The following UBE3C variants were observed in gnomAD, a reference collection of about 807,000 sequenced individuals.
UBE3C encodes the protein ubiquitin-protein ligase E3C.
In UBE3C, 42 loss-of-function variants were observed where a neutral mutation model predicts 129.4. That is an observed-to-expected ratio of 0.32 (90% CI 0.25 to 0.42). The LOEUF (loss-of-function observed/expected upper bound fraction) is 0.42, where lower values mean the gene tolerates loss of function less well. UBE3C is among the 10% of genes least tolerant of loss of function. UBE3C has a pLI of 1.00. For synonymous variants in UBE3C, 510 were observed against 492.4 expected (o/e 1.04, Z -0.47); for missense variants, 1,049 against 1,319.1 (o/e 0.80, Z 3.17).
chr7:157,215,373 A>G (rs1795526724), intron 13 of UBE3C, among the ~76,000 whole-genome samples: 1 of 151,790 alleles, frequency 6.6e-6, no homozygotes, highest in South Asian at 2.1e-4. Flanking sequence ...TTGTATGTAA[A>G]TGCTAAATTA....
At chr7:157,175,937 A>G (rs1463007307) in intron 5 of UBE3C, among the ~76,000 whole-genome samples, 2 of 152,156 alleles carry the variant, frequency 1.3e-5, no homozygotes, top group Non-Finnish European at 2.9e-5. Context: ...GGTCTCTATT[A>G]TGTATTTTTC....
At chr7:157,140,272 A>G (rs1807405819) in intron 1 of UBE3C, among the ~76,000 whole-genome samples, 1 of 152,098 alleles carries the variant, frequency 6.6e-6, no homozygotes, top group Admixed American at 6.5e-5. Flanking sequence ...GTAGGCACAT[A>G]ACGCAGAGTG....
chr7:157,176,217 G>A (rs1808513755), intron 5 of UBE3C, among the ~76,000 whole-genome samples: 1 of 152,194 alleles, frequency 6.6e-6, no homozygotes, highest in African/African-American at 2.4e-5. Context: ...AGCTGTGATT[G>A]TGCTACTGAA....
At chr7:157,150,856 G>T (rs142005425) in intron 1 of UBE3C, among the ~76,000 whole-genome samples, 1 of 152,206 alleles carries the variant, frequency 6.6e-6, no homozygotes, top group African/African-American at 2.4e-5. Flanking sequence ...AAAGCAATAC[G>T]TTTTTGTTAC....
At chr7:157,179,107 CAT>C (rs34923864) in intron 6 of UBE3C, among the ~76,000 whole-genome samples, 6,934 of 151,722 alleles carry the variant, frequency 0.046, 212 homozygotes, top group Non-Finnish European at 0.071. Context: ...CCAAAATTGA[CAT>C]ATGCTTTCAT....
chr7:157,255,631 T>A (rs1218228241), intron 21 of UBE3C, among the ~76,000 whole-genome samples: 2 of 152,262 alleles, frequency 1.3e-5, no homozygotes, highest in African/African-American at 4.8e-5. Flanking sequence ...GCACCTTTAA[T>A]AATCTCAGCT....
intron 18 of UBE3C, among the ~76,000 whole-genome samples, chr7:157,237,021 C>T (rs1215804249): frequency 2.0e-5 from 3 of 152,110 alleles, no homozygotes; most frequent in East Asian, 3.9e-4. Context: ...CGTGAGCCAG[C>T]ACACCCGGCA....
At chr7:157,242,852 C>T (rs770451377) in intron 18 of UBE3C, among the ~76,000 whole-genome samples, 1 of 152,156 alleles carries the variant, frequency 6.6e-6, no homozygotes, top group African/African-American at 2.4e-5. Flanking sequence ...GTCAGGAGTT[C>T]TAGACCAGCC....
intron 2 of UBE3C, among the ~76,000 whole-genome samples, chr7:157,168,597 C>T (rs1313530616): frequency 6.6e-6 from 1 of 152,212 alleles, no homozygotes; most frequent in African/African-American, 2.4e-5. Flanking sequence ...TACAATGGAA[C>T]ATTACTCTTA....
chr7:157,196,987 A>G (rs1222923194), intron 10 of UBE3C, among the ~76,000 whole-genome samples: 2 of 152,190 alleles, frequency 1.3e-5, no homozygotes, highest in East Asian at 1.9e-4. Context: ...AGAATTGCTG[A>G]ACTTTATGTG....
At chr7:157,209,354 G>A (rs1487565390) in intron 13 of UBE3C, among the ~76,000 whole-genome samples, 1 of 152,128 alleles carries the variant, frequency 6.6e-6, no homozygotes, top group Non-Finnish European at 1.5e-5. Context: ...TATAATTTGG[G>A]CAGATTGATG....
chr7:157,147,175 T>G (rs992276874), intron 1 of UBE3C, among the ~76,000 whole-genome samples: 28 of 152,346 alleles, frequency 1.8e-4, no homozygotes, highest in African/African-American at 6.7e-4. Context: ...ATATGGAATA[T>G]CTCTTAATTT....
At chr7:157,254,420 TGAG>T in intron 21 of UBE3C, 110 bp downstream of exon 21, 3 of 554,910 alleles carry the variant, frequency 5.4e-6, no homozygotes, top group African/African-American at 2.0e-5. Flanking sequence ...TTTTTCAGAC[TGAG>T]TTTCACTCTT....
rs1263011907 is a variant in UBE3C at position 157,269,176 on chromosome 7, T to G, written c.*1421T>G. 6.7e-6 allele frequency: 1 copy of G among 148,824 alleles called. No homozygotes were observed. Among genetic ancestry groups the G allele is most frequent in the Admixed American group, 6.6e-5 (1 of 15,116 alleles). The allele number at this position is 148,824 out of a possible 1,614,324, so 9.2% of individuals were successfully genotyped here. Reference sequence around the variant, plus strand: ...AGGGTTGGTCTTTTTTATTTTAGGTTGTTTTATGTTGAATGTTCTATATCT... The same window carrying G: ...AGGGTTGGTCTTTTTTATTTTAGGTGGTTTTATGTTGAATGTTCTATATCT... On this transcript the variant is annotated 3_prime_UTR_variant, in exon 23 of 23. Transcript: ENST00000348165.
intron 18 of UBE3C, among the ~76,000 whole-genome samples, chr7:157,243,122 G>A (rs1452820400): frequency 6.6e-6 from 1 of 152,108 alleles, no homozygotes; most frequent in Non-Finnish European, 1.5e-5. Flanking sequence ...ATCGCTGGAA[G>A]CCACTATGAG....
chr7:157,156,884 A>G (rs1164981296), intron 1 of UBE3C, among the ~76,000 whole-genome samples: 1 of 152,126 alleles, frequency 6.6e-6, no homozygotes, highest in Non-Finnish European at 1.5e-5. Flanking sequence ...AATTTTCAGC[A>G]GCCAAAAAAA....
At chr7:157,147,163 G>T (rs1379888174) in intron 1 of UBE3C, among the ~76,000 whole-genome samples, 1 of 152,152 alleles carries the variant, frequency 6.6e-6, no homozygotes, top group Non-Finnish European at 1.5e-5. Flanking sequence ...TCCTATCCAT[G>T]AATATGGAAT....
Position 157,183,964 on chromosome 7 carries a change from A to C in UBE3C, c.1078A>C (p.Ser360Arg). 6.2e-7 allele frequency: 1 copy of C among 1,614,132 alleles called. No individual in the cohort carries two copies. The highest frequency in any genetic ancestry group is 8.5e-7 in the Non-Finnish European group (1 of 1,180,030). ...GTTACCAGTCTCTCCTGCCAGCGCG[A>C]GCTGTCACGACTCAGCCAGTGACTC... is the stretch of plus-strand genomic sequence containing the variant. ...SQLPVSPASASCHDSASDSEE... is the reference protein window; with the variant it reads ...SQLPVSPASARCHDSASDSEE... The change falls in exon 9 of 23, where the codon AGC (serine) becomes CGC (arginine). Residue 360 changes from serine (S) to arginine (R), a missense_variant. By Grantham distance (110) the Ser-to-Arg change is moderately radical. Transcript: ENST00000348165.
intron 1 of UBE3C, among the ~76,000 whole-genome samples, chr7:157,160,552 C>G (rs1295574322): frequency 6.6e-6 from 1 of 152,032 alleles, no homozygotes; most frequent in East Asian, 1.9e-4. Flanking sequence ...TTGATTGTAT[C>G]ATTTGTATGG....
Sources: gnomAD v4.1 joint callset for allele counts (sites outside exome capture counted in the v4.1 genomes callset) on GRCh38, gnomAD v4.1.1 for gene constraint, MANE v1.5 for transcripts, NCBI Gene and HGNC (gene_info 2026-07-23, HGNC 2026-07-21) for gene names.